The following VPS50 variants were observed in gnomAD, a reference collection of about 807,000 sequenced individuals.
VPS50 encodes syndetin.
In VPS50, 70 loss-of-function variants were observed where a neutral mutation model predicts 139.7. The observed-to-expected ratio is 0.50, with a 90% CI of 0.41 to 0.61. VPS50 has a LOEUF of 0.61. Among genes scored for constraint, VPS50 ranks in the 20% least tolerant of loss-of-function variants. The pLI is 0.00. For synonymous variants in VPS50, 365 were observed against 376.7 expected (o/e 0.97, Z 0.36); for missense variants, 921 against 1,133.7 (o/e 0.81, Z 2.69).
intron 23 of VPS50, among the ~76,000 whole-genome samples, chr7:93,345,726 C>T (rs1028356014): frequency 1.3e-5 from 2 of 152,234 alleles, no homozygotes; most frequent in South Asian, 4.1e-4. Context: ...AAGACGAAAA[C>T]CACATGATTA....
At chr7:93,345,248 C>G (rs1235177976) in intron 23 of VPS50, among the ~76,000 whole-genome samples, 2 of 152,152 alleles carry the variant, frequency 1.3e-5, no homozygotes, top group East Asian at 1.9e-4. Flanking sequence ...ATAAATTCCT[C>G]GACACATACA....
At position 93,360,218 on chromosome 7, in the gene VPS50, A is replaced by G. The variant is rs1798804282; in HGVS notation, c.*1782A>G. On this transcript the variant is annotated 3_prime_UTR_variant, in exon 28 of 28. Transcript: ENST00000305866. ...ATTTCTACTTTAGTTGGCCCTAGAT[A>G]ATATGAACAGGAATCACCTGCCTGG... 1.3e-5 allele frequency: 2 copies of G among 152,086 alleles called. No homozygotes were observed. Among genetic ancestry groups the G allele is most frequent in the Admixed American group, 6.6e-5 (1 of 15,254 alleles). 9.4% of individuals were successfully genotyped at this position (152,086 alleles called of 1,614,324 possible).
chr7:93,276,268 C>G lies in VPS50; in HGVS notation c.905C>G (p.Thr302Arg). The G allele has an allele frequency of 6.2e-7, 1 of 1,613,508 alleles. No homozygotes were observed. The highest frequency in any genetic ancestry group is 8.5e-7 in the Non-Finnish European group (1 of 1,179,638). ...GAACTATGTGCAGGAAACACAGACA[C>G]AAAATTCCAAAAGCTGCAATATAAG... is the stretch of plus-strand genomic sequence containing the variant. Reference protein sequence around the residue: ...YVELCAGNTDTKFQKLQYKDL... With the variant: ...YVELCAGNTDRKFQKLQYKDL... Residue 302 changes from threonine to arginine, a missense_variant, in exon 12 of 28, where the codon ACA becomes AGA. By Grantham distance (71) the Thr-to-Arg change is moderately conservative. Transcript: ENST00000305866.
chr7:93,330,818 A>T (rs568620410), intron 21 of VPS50, among the ~76,000 whole-genome samples: 1 of 150,954 alleles, frequency 6.6e-6, no homozygotes, highest in Non-Finnish European at 1.5e-5. Context: ...AGTCTTTGTC[A>T]TAAGATAAGA....
intron 11 of VPS50, 102 bp downstream of exon 11, chr7:93,272,835 AT>A (rs1301580876): frequency 5.1e-6 from 3 of 584,334 alleles, no homozygotes; most frequent in Non-Finnish European, 9.0e-6. Flanking sequence ...AAAAAGTTTT[AT>A]TTAACGAAGT....
intron 16 of VPS50, among the ~76,000 whole-genome samples, chr7:93,302,745 G>A (rs1797013233): frequency 6.6e-6 from 1 of 151,976 alleles, no homozygotes; most frequent in African/African-American, 2.4e-5. Flanking sequence ...ACAACTTGTG[G>A]TAGAAAGAGG....
rs558200159 is a variant in VPS50 at position 93,236,432 on chromosome 7, G to C, written c.34-3434G>C. On this transcript the variant is annotated intron_variant, in intron 1 of 27. Coordinates refer to ENST00000305866, the MANE Select transcript of VPS50 (RefSeq NM_017667.4). ...TTTGGATGGATAAGACATAGTTGCT[G>C]GTTTCGTAAATGGAAAATGAGGATT... 3.5e-4 allele frequency among the ~76,000 whole-genome samples: 53 copies of C among 152,316 alleles called. 1 individual carries two copies. Among genetic ancestry groups the C allele is most frequent in the African/African-American group, 1.2e-3 (51 of 41,570 alleles).
intron 9 of VPS50, among the ~76,000 whole-genome samples, chr7:93,266,305 A>T (rs545585660): frequency 2.2e-4 from 33 of 152,330 alleles, no homozygotes; most frequent in Admixed American, 1.8e-3. Context: ...AACCCTTTCT[A>T]TCTGGCCCAC....
chr7:93,353,851 G>A (rs1374465843), intron 26 of VPS50, 90 bp downstream of exon 26: 2 of 1,046,428 alleles, frequency 1.9e-6, no homozygotes, highest in East Asian at 5.1e-5. Flanking sequence ...GAGAGAATAA[G>A]TAGAAATAAT....
At chr7:93,248,050 A>G (rs2116805843) in intron 2 of VPS50, among the ~76,000 whole-genome samples, 1 of 152,046 alleles carries the variant, frequency 6.6e-6, no homozygotes, top group East Asian at 1.9e-4. Flanking sequence ...TGGACTTTCA[A>G]GTTTTAGAGA....
intron 22 of VPS50, 138 bp downstream of exon 22, chr7:93,334,335 A>G: frequency 1.7e-6 from 1 of 595,862 alleles, no homozygotes. Context: ...ATAGGAAGTA[A>G]AACAGAGGTT....
At chr7:93,305,479 TATTG>T (rs1449149352) in intron 17 of VPS50, among the ~76,000 whole-genome samples, 3 of 151,928 alleles carry the variant, frequency 2.0e-5, no homozygotes, top group Admixed American at 6.6e-5. Context: ...TAAATGACTT[TATTG>T]ATTAGGATTT....
At chr7:93,284,542 T>C (rs114567642) in intron 12 of VPS50, among the ~76,000 whole-genome samples, 2,309 of 152,324 alleles carry the variant, frequency 0.015, 50 homozygotes, top group African/African-American at 0.051. Context: ...ACATGTCTTA[T>C]GTGTATATAC....
intron 14 of VPS50, 112 bp from the exon 15 acceptor site, chr7:93,296,630 A>G (rs1399953303): frequency 1.1e-5 from 17 of 1,481,306 alleles, no homozygotes; most frequent in African/African-American, 1.4e-5. Context: ...TCGTTAACAA[A>G]TTAGGAATAT....
chr7:93,272,154 T>G (rs1218808713), intron 10 of VPS50, among the ~76,000 whole-genome samples: 1 of 151,818 alleles, frequency 6.6e-6, no homozygotes, highest in Non-Finnish European at 1.5e-5. Flanking sequence ...AAGAAATCCA[T>G]AAAGCATGGT....
intron 1 of VPS50, among the ~76,000 whole-genome samples, chr7:93,237,419 T>C (rs1375350514): frequency 6.6e-6 from 1 of 152,230 alleles, no homozygotes; most frequent in Non-Finnish European, 1.5e-5. Flanking sequence ...TCCTAACATG[T>C]ACACGGGTTT....
intron 4 of VPS50, 54 bp from the exon 5 acceptor site, chr7:93,256,455 G>T (rs1265805879): frequency 2.4e-6 from 2 of 835,712 alleles, no homozygotes; most frequent in Non-Finnish European, 1.8e-6. Context: ...AAATATCATA[G>T]AAAGCATGAA....
chr7:93,321,522 C>T (rs936739910), intron 20 of VPS50, among the ~76,000 whole-genome samples: 3 of 152,078 alleles, frequency 2.0e-5, no homozygotes, highest in Non-Finnish European at 4.4e-5. Context: ...GTGCAACAGC[C>T]GGGACTCTGT....
chr7:93,348,765 G>C lies in VPS50; in HGVS notation c.2262G>C (p.Met754Ile). ...TTCAGCCACATCTGGATGCTGTGAT[G>C]CCTGCAGTCAAAAAGCCCTTTCTTC... ...EFLQPHLDAV[M>I]PAVKKPFLQQ... is the part of the protein sequence containing the mutation. The change falls in exon 24 of 28, where the codon ATG (methionine) becomes ATC (isoleucine). Residue 754 changes from methionine (M) to isoleucine (I), a missense_variant. Around this residue, in one of 3 missense-constraint regions of VPS50, gnomAD observed 744 missense variants for 930.6 expected, o/e 0.80. Transcript: ENST00000305866. The C allele has an allele frequency of 6.2e-7, 1 of 1,613,656 alleles. No individual in the cohort carries two copies. The highest frequency in any genetic ancestry group is 8.5e-7 in the Non-Finnish European group (1 of 1,179,662).
Sources: gnomAD v4.1 joint callset for allele counts (sites outside exome capture counted in the v4.1 genomes callset) on GRCh38, gnomAD v4.1.1 for gene constraint, gnomAD v4.1.1 regional missense constraint, MANE v1.5 for transcripts, NCBI Gene and HGNC (gene_info 2026-07-23, HGNC 2026-07-21) for gene names.